The following FER variants were observed in gnomAD, a reference collection of about 807,000 sequenced individuals.
FER encodes the protein FER tyrosine kinase.
A neutral mutation model predicts 111.0 loss-of-function variants in FER; 63 were observed. The observed-to-expected ratio is 0.57, with a 90% CI of 0.46 to 0.70. The LOEUF is 0.70. Among genes scored for constraint, FER ranks in the 30% least tolerant of loss-of-function variants. The pLI is 0.00. For synonymous variants in FER, 327 were observed against 313.9 expected (o/e 1.04, Z -0.44); for missense variants, 914 against 954.0 (o/e 0.96, Z 0.55).
At chr5:108,763,312 A>C (rs1271504232) in intron 1 of FER, among the ~76,000 whole-genome samples, 1 of 152,226 alleles carries the variant, frequency 6.6e-6, no homozygotes, top group Non-Finnish European at 1.5e-5. Flanking sequence ...CAGAGGGTTT[A>C]TTGCAGTAAA....
At chr5:109,079,690 A>G (rs1220295685) in intron 16 of FER, among the ~76,000 whole-genome samples, 2 of 152,118 alleles carry the variant, frequency 1.3e-5, no homozygotes, top group South Asian at 2.1e-4. Context: ...GGCTAAGGAA[A>G]TGATACCCAG....
chr5:108,894,883 C>T (rs1344060577), intron 9 of FER, among the ~76,000 whole-genome samples: 2 of 152,072 alleles, frequency 1.3e-5, no homozygotes, highest in African/African-American at 4.8e-5. Flanking sequence ...CATCATGTTT[C>T]AATTACCTCC....
intron 13 of FER, among the ~76,000 whole-genome samples, chr5:109,028,738 A>G (rs1280864134): frequency 1.3e-5 from 2 of 152,228 alleles, no homozygotes; most frequent in African/African-American, 4.8e-5. Flanking sequence ...TAGGAACAGC[A>G]AAAGCTAGGT....
At chr5:108,826,058 TGAGCTTGC>T (rs2150117090) in intron 3 of FER, among the ~76,000 whole-genome samples, 1 of 152,374 alleles carries the variant, frequency 6.6e-6, no homozygotes, top group East Asian at 1.9e-4. Flanking sequence ...ATGTTAGCTG[TGAGCTTGC>T]CATATCTAGC....
intron 16 of FER, among the ~76,000 whole-genome samples, chr5:109,081,708 A>T (rs1033707332): frequency 6.6e-6 from 1 of 152,042 alleles, no homozygotes; most frequent in Non-Finnish European, 1.5e-5. Context: ...ATACAAATAA[A>T]AGAGAAATGT....
At chr5:108,809,156 C>CT (rs894211471) in intron 3 of FER, among the ~76,000 whole-genome samples, 1 of 152,126 alleles carries the variant, frequency 6.6e-6, no homozygotes, top group Non-Finnish European at 1.5e-5. Context: ...ATTAGGGAAA[C>CT]TTTTTTTGTA....
chr5:108,911,473 G>A (rs1431252089), intron 10 of FER, among the ~76,000 whole-genome samples: 1 of 152,024 alleles, frequency 6.6e-6, no homozygotes, highest in Non-Finnish European at 1.5e-5. Flanking sequence ...TCTAGTTTAA[G>A]TCTCATTTAT....
At chr5:109,180,071 C>T (rs1381676732) in intron 17 of FER, among the ~76,000 whole-genome samples, 2 of 152,078 alleles carry the variant, frequency 1.3e-5, no homozygotes, top group East Asian at 1.9e-4. Flanking sequence ...AAGCTTGCCT[C>T]ATTTAGGGAA....
At chr5:108,872,915 C>G (rs1050853640) in intron 8 of FER, among the ~76,000 whole-genome samples, 1 of 152,108 alleles carries the variant, frequency 6.6e-6, no homozygotes, top group Non-Finnish European at 1.5e-5. Context: ...AGAACCACAG[C>G]TATAAATGAT....
At chr5:108,908,908 C>A (rs980671976) in intron 10 of FER, among the ~76,000 whole-genome samples, 18 of 151,752 alleles carry the variant, frequency 1.2e-4, no homozygotes, top group African/African-American at 2.4e-5. Flanking sequence ...TGTGGTGGCA[C>A]GTGCCTGTAG....
chr5:109,154,650 G>A (rs1011066289), intron 17 of FER, among the ~76,000 whole-genome samples: 13 of 151,832 alleles, frequency 8.6e-5, no homozygotes, highest in African/African-American at 3.1e-4. Flanking sequence ...CTTTCAAAAT[G>A]TTCAGAGAAA....
At chr5:109,182,496 A>G (rs1239682686) in intron 18 of FER, among the ~76,000 whole-genome samples, 3 of 152,134 alleles carry the variant, frequency 2.0e-5, no homozygotes, top group African/African-American at 7.2e-5. Flanking sequence ...TTATATTACT[A>G]AGGGGGATGA....
intron 17 of FER, among the ~76,000 whole-genome samples, chr5:109,112,238 G>C (rs771726169): frequency 5.3e-5 from 8 of 152,036 alleles, no homozygotes; most frequent in Non-Finnish European, 1.2e-4. Context: ...TTATTATCCA[G>C]TTGTAGATGA....
At chr5:109,002,946 A>G (rs1305675175) in intron 13 of FER, among the ~76,000 whole-genome samples, 1 of 152,252 alleles carries the variant, frequency 6.6e-6, no homozygotes, top group South Asian at 2.1e-4. Context: ...AATGGCGATC[A>G]TTAAAAAGTC....
intron 10 of FER, among the ~76,000 whole-genome samples, chr5:108,929,787 G>A (rs1003073810): frequency 7.9e-5 from 12 of 152,198 alleles, no homozygotes; most frequent in South Asian, 4.1e-4. Flanking sequence ...GGGGAAAAAC[G>A]TACAAAATAC....
At chr5:109,171,961 A>G (rs977741464) in intron 17 of FER, among the ~76,000 whole-genome samples, 1 of 152,074 alleles carries the variant, frequency 6.6e-6, no homozygotes, top group Non-Finnish European at 1.5e-5. Flanking sequence ...TTAGAATGGC[A>G]ATCATTAAAA....
At chr5:109,002,237 A>G (rs949133214) in intron 13 of FER, among the ~76,000 whole-genome samples, 2 of 152,094 alleles carry the variant, frequency 1.3e-5, no homozygotes, top group African/African-American at 2.4e-5. Context: ...ACAAGGCTAC[A>G]GTAACCAAAA....
chr5:108,819,948 A>G, intron 3 of FER: 3 of 985,368 alleles, frequency 3.0e-6, no homozygotes, highest in Non-Finnish European at 3.6e-6. Flanking sequence ...TTGTTTTTTA[A>G]AAAAATATTG....
chr5:109,181,271 A>C (rs1420507920), intron 18 of FER, among the ~76,000 whole-genome samples: 3 of 152,162 alleles, frequency 2.0e-5, no homozygotes, highest in African/African-American at 7.2e-5. Flanking sequence ...TTAGGTTCCT[A>C]AAATATTAAG....
Sources: allele counts gnomAD v4.1 joint callset (sites outside exome capture counted in the v4.1 genomes callset), GRCh38; gene constraint gnomAD v4.1.1; transcripts MANE v1.5; gene names NCBI Gene and HGNC (gene_info 2026-07-23, HGNC 2026-07-21).